Variants in FAF1 observed in about 807,000 individuals in gnomAD.
FAF1 encodes Fas associated factor 1.
Under a neutral mutation model 92.5 loss-of-function variants are expected in FAF1, and 25 were observed. The ratio of observed to expected loss-of-function variants is 0.27; its 90% CI spans 0.20 to 0.38. The LOEUF is 0.38. FAF1 is among the 10% of genes least tolerant of loss of function. The probability of loss-of-function intolerance (pLI) is 1.00; values close to 1 mark genes in which losing one functional copy is unlikely to be tolerated. For missense variants in FAF1, 636 were observed against 793.3 expected (o/e 0.80, Z 2.38); for synonymous variants, 234 against 273.2 (o/e 0.86, Z 1.42).
chr1:50,466,439 T>C (rs1048055289), intron 18 of FAF1, among the ~76,000 whole-genome samples: 1 of 152,232 alleles, frequency 6.6e-6, no homozygotes, highest in Admixed American at 6.5e-5. Context: ...TAGATCGTTG[T>C]ATGTAGAAAT....
At chr1:50,908,023 C>T (rs2124717620) in intron 1 of FAF1, among the ~76,000 whole-genome samples, 1 of 152,252 alleles carries the variant, frequency 6.6e-6, no homozygotes, top group South Asian at 2.1e-4. Flanking sequence ...CTATAAATTT[C>T]CCTCTACACA....
rs180878909 is a variant in FAF1 at position 50,669,788 on chromosome 1, T to G, written c.658-14260A>C. 2.6e-5 allele frequency among the ~76,000 whole-genome samples: 4 copies of G among 152,376 alleles called. No homozygotes were observed. In the South Asian group the frequency reaches 6.2e-4, roughly 24 times the overall value. On this transcript the variant is annotated intron_variant, in intron 7 of 18. Transcript: ENST00000396153. Reference sequence around the variant, plus strand: ...GTGGCCATTAACCACATATGGCTACTGAGCACTTGAAATGTAGCTTGTCTG... The same window carrying G: ...GTGGCCATTAACCACATATGGCTACGGAGCACTTGAAATGTAGCTTGTCTG...
chr1:50,867,822 T>G (rs1644494922), intron 1 of FAF1, among the ~76,000 whole-genome samples: 1 of 152,146 alleles, frequency 6.6e-6, no homozygotes, highest in African/African-American at 2.4e-5. Context: ...AGCAATCCCA[T>G]TCCTGGGTAC....
Position 50,458,907 on chromosome 1 carries a change from G to A in FAF1, c.1869+16557C>T, listed in dbSNP as rs539236053. ...AATTTACACAAGATCAAACACCTAGGAAATGGTAAAAATGAGATTTAGTCT... is the reference window on the plus strand; with the variant it reads ...AATTTACACAAGATCAAACACCTAGAAAATGGTAAAAATGAGATTTAGTCT... On this transcript the variant is annotated intron_variant, in intron 18 of 18. Coordinates refer to ENST00000396153, the MANE Select transcript of FAF1 (RefSeq NM_007051.3). Among the ~76,000 whole-genome samples the A allele has an allele frequency of 4.0e-4, 61 of 151,888 alleles. 1 individual carries two copies. Among genetic ancestry groups the A allele is most frequent in the Admixed American group, 2.2e-3 (34 of 15,262 alleles).
At chr1:50,850,544 A>T (rs1644339595) in intron 2 of FAF1, among the ~76,000 whole-genome samples, 1 of 152,190 alleles carries the variant, frequency 6.6e-6, no homozygotes, top group Admixed American at 6.5e-5. Context: ...AGAGAAACTG[A>T]GTACATGCAC....
At chr1:50,531,444 C>T (rs890700737) in intron 15 of FAF1, among the ~76,000 whole-genome samples, 1 of 152,044 alleles carries the variant, frequency 6.6e-6, no homozygotes, top group Admixed American at 6.6e-5. Context: ...AAAATCAATC[C>T]ATTTACATGT....
intron 7 of FAF1, among the ~76,000 whole-genome samples, chr1:50,672,426 G>T (rs1655937871): frequency 6.6e-6 from 1 of 152,006 alleles, no homozygotes; most frequent in Non-Finnish European, 1.5e-5. Flanking sequence ...GAGGGACAGG[G>T]TATCACCCAG....
chr1:50,662,981 G>A lies in FAF1; in HGVS notation c.658-7453C>T, dbSNP rs941193233. Among the ~76,000 whole-genome samples the A allele has an allele frequency of 1.1e-3, 162 of 151,770 alleles. 3 individuals are homozygous for A. The highest frequency in any genetic ancestry group is 3.7e-3 in the African/African-American group (151 of 41,102). ...CGAAGTGCTGGGATTACAGGCGTAAGCCACCACCCAGCCATGAATTTGTAT... is the reference window on the plus strand; with the variant it reads ...CGAAGTGCTGGGATTACAGGCGTAAACCACCACCCAGCCATGAATTTGTAT... On this transcript the variant is annotated intron_variant, in intron 7 of 18. Transcript: ENST00000396153.
chr1:50,649,785 C>CAAAAAAAAAA (rs535636319), intron 8 of FAF1, among the ~76,000 whole-genome samples: 3 of 72,946 alleles, frequency 4.1e-5, no homozygotes, highest in African/African-American at 1.5e-4. Context: ...ACTAAAACTA[C>CAAAAAAAAAA]AAAAAAAAAA....
chr1:50,833,809 T>C, intron 2 of FAF1, among the ~76,000 whole-genome samples: 1 of 152,198 alleles, frequency 6.6e-6, no homozygotes. Flanking sequence ...ACCAGATATC[T>C]TTCTGTGATA....
intron 2 of FAF1, among the ~76,000 whole-genome samples, chr1:50,857,210 A>G (rs1570059501): frequency 1.3e-5 from 2 of 151,980 alleles, no homozygotes; most frequent in South Asian, 4.1e-4. Context: ...TCCACATAAC[A>G]TATGTGTGCA....
At chr1:50,899,316 C>G (rs767997969) in intron 1 of FAF1, among the ~76,000 whole-genome samples, 2 of 152,182 alleles carry the variant, frequency 1.3e-5, no homozygotes, top group Admixed American at 6.5e-5. Context: ...TAATGACCTT[C>G]TATCATCTAT....
At chr1:50,842,768 C>T (rs1359762575) in intron 2 of FAF1, among the ~76,000 whole-genome samples, 1 of 152,016 alleles carries the variant, frequency 6.6e-6, no homozygotes, top group Non-Finnish European at 1.5e-5. Flanking sequence ...ATAAAATAAC[C>T]CCCTCTATAT....
At chr1:50,885,412 G>A (rs1346075832) in intron 1 of FAF1, among the ~76,000 whole-genome samples, 4 of 150,688 alleles carry the variant, frequency 2.7e-5, no homozygotes, top group Middle Eastern at 3.2e-3. Flanking sequence ...TTATGGCCTC[G>A]CTGAACTGAG....
At chr1:50,590,686 A>G (rs1651459697) in intron 9 of FAF1, among the ~76,000 whole-genome samples, 1 of 152,148 alleles carries the variant, frequency 6.6e-6, no homozygotes, top group South Asian at 2.1e-4. Flanking sequence ...GAAATGGTGA[A>G]AGGGGTCATT....
At chr1:50,702,293 T>C (rs2124417604) in intron 7 of FAF1, among the ~76,000 whole-genome samples, 1 of 152,184 alleles carries the variant, frequency 6.6e-6, no homozygotes, top group Admixed American at 6.5e-5. Context: ...TAGTGAGAAT[T>C]ACTAGAATCT....
At chr1:50,463,744 A>T (rs540650904) in intron 18 of FAF1, among the ~76,000 whole-genome samples, 3 of 152,328 alleles carry the variant, frequency 2.0e-5, no homozygotes, top group East Asian at 3.9e-4. Flanking sequence ...AAAAGGCTGT[A>T]AAAACTGAAG....
intron 1 of FAF1, among the ~76,000 whole-genome samples, chr1:50,867,525 A>G (rs769464684): frequency 6.6e-6 from 1 of 152,192 alleles, no homozygotes; most frequent in Non-Finnish European, 1.5e-5. Flanking sequence ...GGCTAGGGAC[A>G]TGAATAGACA....
At chr1:50,560,251 C>T (rs1649837549) in intron 13 of FAF1, among the ~76,000 whole-genome samples, 1 of 152,200 alleles carries the variant, frequency 6.6e-6, no homozygotes, top group South Asian at 2.1e-4. Flanking sequence ...AGACAGCTTA[C>T]TGATAATAAG....
Sources: gnomAD v4.1 joint callset for allele counts (sites outside exome capture counted in the v4.1 genomes callset) on GRCh38, gnomAD v4.1.1 for gene constraint, MANE v1.5 for transcripts, NCBI Gene and HGNC (gene_info 2026-07-23, HGNC 2026-07-21) for gene names.